Variants in POU2F1 observed in about 807,000 individuals in gnomAD.
POU2F1 encodes POU domain, class 2, transcription factor 1.
Under a neutral mutation model 84.9 loss-of-function variants are expected in POU2F1, and 16 were observed. The observed-to-expected ratio is 0.19, with a 90% CI of 0.13 to 0.29. The LOEUF (loss-of-function observed/expected upper bound fraction) is 0.29. Among genes scored for constraint, POU2F1 ranks in the 10% least tolerant of loss-of-function variants. POU2F1 has a pLI of 1.00. For missense variants in POU2F1, 738 were observed against 942.6 expected, an observed-to-expected ratio of 0.78 and a Z score of 2.84; for synonymous variants, 368 against 368.3, an observed-to-expected ratio of 1.00 and a Z score of 0.01.
At chr1:167,348,113 A>G (rs1476381639) in intron 2 of POU2F1, among the ~76,000 whole-genome samples, 1 of 152,230 alleles carries the variant, frequency 6.6e-6, no homozygotes, top group East Asian at 1.9e-4. Context: ...ATCATAGAGT[A>G]TGTTTCACAA....
rs1158899200 is a variant in POU2F1, at chr1:167,412,901, G to A, written c.1902-125G>A. The A allele has an allele frequency of 4.1e-6, 3 of 730,152 alleles. No homozygotes were observed. In the African/African-American group the frequency reaches 5.3e-5, roughly 13 times the overall value. The allele number at this position is 730,152 out of a possible 1,614,324, so 45.2% of individuals were successfully genotyped here. Reference sequence around the variant, plus strand: ...GAAGCACAAACCATAGAAGAGTAAAGAAAAATAAATATTTCCACCTATTTC... The same window carrying A: ...GAAGCACAAACCATAGAAGAGTAAAAAAAAATAAATATTTCCACCTATTTC... On this transcript the variant is annotated intron_variant, in intron 14 of 15. Transcript: ENST00000367866.
At chr1:167,340,116 G>A (rs1571329202) in intron 2 of POU2F1, among the ~76,000 whole-genome samples, 1 of 152,124 alleles carries the variant, frequency 6.6e-6, no homozygotes, top group Non-Finnish European at 1.5e-5. Context: ...TTTCACTGTC[G>A]TTGCCCAGGC....
intron 2 of POU2F1, among the ~76,000 whole-genome samples, chr1:167,356,493 A>AAGT (rs1295298590): frequency 2.0e-5 from 3 of 151,942 alleles, no homozygotes; most frequent in African/African-American, 7.3e-5. Flanking sequence ...AGTATGATAG[A>AAGT]AGTAGTAGTA....
intron 1 of POU2F1, among the ~76,000 whole-genome samples, chr1:167,290,872 C>G (rs1045273076): frequency 1.3e-5 from 2 of 151,984 alleles, no homozygotes; most frequent in East Asian, 1.9e-4. Context: ...CAGACCACAT[C>G]GCTACAAAAG....
At chr1:167,353,398 C>T (rs921328666) in intron 2 of POU2F1, among the ~76,000 whole-genome samples, 12 of 151,544 alleles carry the variant, frequency 7.9e-5, no homozygotes, top group Admixed American at 2.6e-4. Context: ...TTTACCCCCA[C>T]CGCCTCCATT....
intron 7 of POU2F1, among the ~76,000 whole-genome samples, chr1:167,381,960 A>G (rs1263205977): frequency 7.6e-6 from 1 of 131,860 alleles, no homozygotes; most frequent in Non-Finnish European, 1.6e-5. Flanking sequence ...TTTCAAAACA[A>G]TTTTATTTAA....
rs1650330179 is a variant in POU2F1 at position 167,416,496 on chromosome 1, G to GT, written c.*687dup. 2 of 159,162 alleles carry GT rather than the reference G, an allele frequency of 1.3e-5. No individual in the cohort carries two copies. Among genetic ancestry groups the GT allele is most frequent in the Non-Finnish European group, 2.7e-5 (2 of 73,332 alleles). The allele number at this position is 159,162 out of a possible 1,614,324, so 9.9% of individuals were successfully genotyped here. ...CACTGTGGGGAGGGAGGGTTTTGGG[G>GT]TAAGGGGAGACTTCTGTTCTTAACT... On this transcript the variant is annotated 3_prime_UTR_variant, in exon 16 of 16. Transcript: ENST00000367866.
chr1:167,240,870 C>T (rs535972753), intron 1 of POU2F1, among the ~76,000 whole-genome samples: 83 of 152,154 alleles, frequency 5.5e-4, no homozygotes, highest in Admixed American at 1.2e-3. Flanking sequence ...AGGCCGGGCG[C>T]GGTGGCTCAT....
intron 7 of POU2F1, among the ~76,000 whole-genome samples, chr1:167,378,285 G>T (rs1250083570): frequency 6.6e-6 from 1 of 152,126 alleles, no homozygotes; most frequent in African/African-American, 2.4e-5. Flanking sequence ...GCCCAGGCTG[G>T]AGTGCAATGG....
chr1:167,240,207 C>G (rs1027790455), intron 1 of POU2F1, among the ~76,000 whole-genome samples: 3 of 152,028 alleles, frequency 2.0e-5, no homozygotes, highest in Non-Finnish European at 4.4e-5. Flanking sequence ...AACAAATACC[C>G]CAGTAGTCGA....
intron 13 of POU2F1, among the ~76,000 whole-genome samples, chr1:167,406,239 T>C (rs1169941739): frequency 1.3e-5 from 2 of 152,166 alleles, no homozygotes; most frequent in Admixed American, 6.5e-5. Context: ...TGAACATCAA[T>C]TAATGTAACA....
chr1:167,412,999 A>C (rs754192281), intron 14 of POU2F1, 27 bp from the exon 15 acceptor site: 2 of 1,589,640 alleles, frequency 1.3e-6, no homozygotes, highest in African/African-American at 1.3e-5. Context: ...GCATGGTAAT[A>C]AAGTGACTCC....
chr1:167,395,547 G>A (rs561364453), intron 9 of POU2F1, among the ~76,000 whole-genome samples: 1 of 152,174 alleles, frequency 6.6e-6, no homozygotes, highest in South Asian at 2.1e-4. Flanking sequence ...GTTATCTAGA[G>A]AGTTATACAT....
chr1:167,311,932 A>C (rs1655510123), intron 1 of POU2F1, among the ~76,000 whole-genome samples: 1 of 150,240 alleles, frequency 6.7e-6, no homozygotes, highest in South Asian at 2.1e-4. Context: ...AAGCGTGGCT[A>C]ATTTTTTTTT....
At chr1:167,317,460 A>G (rs1655985918) in intron 1 of POU2F1, among the ~76,000 whole-genome samples, 2 of 152,076 alleles carry the variant, frequency 1.3e-5, no homozygotes, top group Admixed American at 6.5e-5. Flanking sequence ...AGTGGGAATC[A>G]GGGGGCTGAC....
chr1:167,293,438 A>G (rs1163615106), intron 1 of POU2F1, among the ~76,000 whole-genome samples: 5 of 152,232 alleles, frequency 3.3e-5, no homozygotes, highest in East Asian at 3.8e-4. Context: ...AAAGATCTCT[A>G]TAAGGAGAAC....
chr1:167,369,720 A>G (rs1659888207), intron 3 of POU2F1, among the ~76,000 whole-genome samples: 1 of 152,230 alleles, frequency 6.6e-6, no homozygotes, highest in African/African-American at 2.4e-5. Context: ...TCTGGTGTAT[A>G]CATGGAACAT....
intron 2 of POU2F1, among the ~76,000 whole-genome samples, chr1:167,336,755 G>A (rs1657481876): frequency 6.6e-6 from 1 of 152,168 alleles, no homozygotes; most frequent in Non-Finnish European, 1.5e-5. Context: ...CCGGCCTGGT[G>A]CAGTGGCTCA....
chr1:167,375,917 G>A, intron 6 of POU2F1, 112 bp from the exon 7 acceptor site: 1 of 1,310,872 alleles, frequency 7.6e-7, no homozygotes, highest in East Asian at 2.3e-5. Context: ...AGCATGCGAA[G>A]TATTTACTCT....
Sources: gnomAD v4.1 joint callset for allele counts (sites outside exome capture counted in the v4.1 genomes callset) on GRCh38, gnomAD v4.1.1 for gene constraint, MANE v1.5 for transcripts, NCBI Gene and HGNC (gene_info 2026-07-23, HGNC 2026-07-21) for gene names.